MICAL3: variants seen among roughly 807,000 people sequenced by gnomAD.
MICAL3 encodes [F-actin]-monooxygenase MICAL3.
MICAL3 carries 62 observed loss-of-function variants against 207.4 expected under a neutral mutation model. The ratio of observed to expected loss-of-function variants is 0.30; its 90% confidence interval spans 0.24 to 0.37. The LOEUF (loss-of-function observed/expected upper bound fraction) is 0.37, where lower values mean the gene tolerates loss of function less well. MICAL3 is among the 10% of genes least tolerant of loss of function. MICAL3 has a pLI of 1.00. For missense variants in MICAL3, 2,368 were observed against 2,635.6 expected (o/e 0.90, Z 2.22); for synonymous variants, 1,077 against 1,069.3 (o/e 1.01, Z -0.14).
chr22:17,937,937 T>C (rs1290658060), intron 1 of MICAL3, among the ~76,000 whole-genome samples: 1 of 152,222 alleles, frequency 6.6e-6, no homozygotes, highest in African/African-American at 2.4e-5. Context: ...CAAACAGTTA[T>C]ATTTCAAGGT....
intron 1 of MICAL3, among the ~76,000 whole-genome samples, chr22:17,965,301 G>GA (rs1443177108): frequency 1.3e-5 from 2 of 152,126 alleles, no homozygotes; most frequent in African/African-American, 4.8e-5. Flanking sequence ...ATAATACCCG[G>GA]AACCCCTAAA....
At chr22:17,901,439 C>T (rs141251869) in intron 5 of MICAL3, among the ~76,000 whole-genome samples, 1 of 152,154 alleles carries the variant, frequency 6.6e-6, no homozygotes, top group East Asian at 1.9e-4. Context: ...TTGGGAAAGG[C>T]GAGCAGAGTG....
chr22:17,978,540 G>A (rs1036193374), intron 1 of MICAL3, among the ~76,000 whole-genome samples: 1 of 150,168 alleles, frequency 6.7e-6, no homozygotes, highest in Non-Finnish European at 1.5e-5. Context: ...TTGAGACAGA[G>A]TCTCCCTCTG....
chr22:17,914,030 GTT>G (rs1444144385), intron 1 of MICAL3, among the ~76,000 whole-genome samples: 3 of 152,200 alleles, frequency 2.0e-5, no homozygotes, highest in East Asian at 1.9e-4. Flanking sequence ...AATGTAAAAT[GTT>G]TATCAGTGCC....
chr22:17,853,437 C>T (rs974163196), intron 19 of MICAL3, among the ~76,000 whole-genome samples: 2 of 152,180 alleles, frequency 1.3e-5, no homozygotes, highest in African/African-American at 2.4e-5. Flanking sequence ...GAGGGAGGCC[C>T]GTACACAGCC....
chr22:18,001,920 G>A (rs1230565827), intron 1 of MICAL3, among the ~76,000 whole-genome samples: 4 of 152,222 alleles, frequency 2.6e-5, no homozygotes, highest in Non-Finnish European at 2.9e-5. Flanking sequence ...CTTGTTGGCC[G>A]GGCGCGGTGG....
At chr22:17,860,754 C>T in intron 19 of MICAL3, 3 of 985,350 alleles carry the variant, frequency 3.0e-6, no homozygotes, top group Middle Eastern at 5.2e-4. Context: ...TGGGGGTGTG[C>T]TGCCCATTTT....
chr22:17,871,889 C>A lies in MICAL3; in HGVS notation c.2376G>T (p.Glu792Asp). Residue 792 changes from glutamate (E) to aspartate (D), a missense_variant, in exon 17 of 32, where the codon GAG (glutamate) becomes GAT (aspartate). Glu to Asp is a conservative substitution (Grantham distance 45). Around this residue, in one of 4 missense-constraint regions of MICAL3, gnomAD observed 1,770 missense variants for 1,863.2 expected, o/e 0.95. Coordinates refer to ENST00000441493, the MANE Select transcript of MICAL3 (RefSeq NM_015241.3). ...KFFHRSCFKC[E>D]YCATTLRLSA... is the part of the protein sequence containing the mutation. ...AGAGGCGCAGGGTGGTGGCGCAGTA[C>A]TCGCACTTGAAGCAGCTCCGGTGGA... is the stretch of plus-strand genomic sequence containing the variant. 6.2e-7 allele frequency: 1 copy of A among 1,611,618 alleles called. No individual in the cohort carries two copies. Among genetic ancestry groups the A allele is most frequent in the South Asian group, 1.1e-5 (1 of 90,274 alleles).
chr22:17,879,053 G>C (rs367785494), intron 16 of MICAL3, among the ~76,000 whole-genome samples: 1 of 152,196 alleles, frequency 6.6e-6, no homozygotes, highest in Non-Finnish European at 1.5e-5. Flanking sequence ...GTATGGTCTT[G>C]GAAGGGGAAC....
In MICAL3 at chr22:17,899,552, G is replaced by C. The variant is rs1285083063; in HGVS notation, c.848-4C>G. On this transcript the variant is annotated splice_polypyrimidine_tract_variant and splice_region_variant and intron_variant, in intron 6 of 31. Coordinates refer to ENST00000441493, the MANE Select transcript of MICAL3 (RefSeq NM_015241.3). ...ACGATGTTCTCCAAGTCAATACCTG[G>C]GGCCAGAAGACAAACGTGTGCATGT... 6.3e-7 allele frequency: 1 copy of C among 1,581,496 alleles called. No homozygotes were observed. Among genetic ancestry groups the C allele is most frequent in the African/African-American group, 1.3e-5 (1 of 74,422 alleles).
At chr22:17,873,831 C>T (rs1226272875) in intron 16 of MICAL3, among the ~76,000 whole-genome samples, 4 of 152,244 alleles carry the variant, frequency 2.6e-5, no homozygotes, top group Admixed American at 6.5e-5. Context: ...GAGACTCCCA[C>T]GATCAAATCA....
At chr22:17,821,545 GCCC>G (rs768440813) in intron 24 of MICAL3, 36 bp from the exon 25 acceptor site, 3 of 1,510,700 alleles carry the variant, frequency 2.0e-6, no homozygotes, top group Non-Finnish European at 2.7e-6. Flanking sequence ...ACAAGAGGAA[GCCC>G]CCCCATGTGC....
At chr22:17,971,881 G>C (rs968190228) in intron 1 of MICAL3, among the ~76,000 whole-genome samples, 8 of 152,218 alleles carry the variant, frequency 5.3e-5, no homozygotes, top group Admixed American at 1.3e-4. Context: ...CAGCACACGT[G>C]CACCGGCACA....
chr22:17,831,927 C>A lies in MICAL3; in HGVS notation c.2982G>T (p.Glu994Asp). 6.4e-7 allele frequency: 1 copy of A among 1,568,456 alleles called. No individual in the cohort carries two copies. Residue 994 changes from glutamate (E) to aspartate (D), a missense_variant, in exon 21 of 32, where the codon GAG (glutamate) becomes GAT (aspartate). By Grantham distance (45) the Glu-to-Asp change is conservative. This residue lies in a region of MICAL3 where 1,770 missense variants were observed against 1,863.2 expected (regional missense o/e 0.95). Coordinates refer to ENST00000441493, the MANE Select transcript of MICAL3 (RefSeq NM_015241.3). ...CTTCATATTCTTCCTCCTCCTCCTC[C>A]TCCTCTTCATTCCCAGGCCCAAAGC... ...SKSFGPGNEE[E>D]EEEEEEYEEE... is the part of the protein sequence containing the mutation.
At chr22:17,889,523 T>C (rs1930222320) in intron 12 of MICAL3, among the ~76,000 whole-genome samples, 1 of 152,202 alleles carries the variant, frequency 6.6e-6, no homozygotes, top group South Asian at 2.1e-4. Flanking sequence ...ACTACTAAAA[T>C]GTGAGCTCGA....
chr22:17,821,889 A>T, intron 24 of MICAL3, 141 bp downstream of exon 24: 3 of 1,078,946 alleles, frequency 2.8e-6, no homozygotes, highest in Non-Finnish European at 2.7e-6. Flanking sequence ...GAGGAGGAAA[A>T]GGCAAGGAGC....
intron 1 of MICAL3, chr22:18,006,469 A>G (rs1324818522): frequency 6.6e-6 from 1 of 152,226 alleles, no homozygotes; most frequent in Non-Finnish European, 1.5e-5. Flanking sequence ...AATAGGGAGA[A>G]TCATCTAATT....
chr22:17,802,011 T>C (rs2061945555), intron 29 of MICAL3, among the ~76,000 whole-genome samples: 1 of 151,746 alleles, frequency 6.6e-6, no homozygotes, highest in Non-Finnish European at 1.5e-5. Context: ...GATACAATCC[T>C]AAAGAAACGC....
chr22:17,813,329 A>T (rs959746883), intron 27 of MICAL3: 6 of 152,214 alleles, frequency 3.9e-5, no homozygotes, highest in African/African-American at 1.4e-4. Flanking sequence ...GGCGCACAAG[A>T]CAGGGAAGTC....
Sources: allele counts gnomAD v4.1 joint callset (sites outside exome capture counted in the v4.1 genomes callset), GRCh38; gene constraint gnomAD v4.1.1; regional missense constraint gnomAD v4.1.1; transcripts MANE v1.5; gene names NCBI Gene and HGNC (gene_info 2026-07-23, HGNC 2026-07-21).